The following LCOR variants were observed in gnomAD, a reference collection of about 807,000 sequenced individuals.
LCOR encodes ligand dependent nuclear receptor corepressor.
A neutral mutation model predicts 64.4 loss-of-function variants in LCOR; 14 were observed. The ratio of observed to expected loss-of-function variants is 0.22; its 90% CI spans 0.14 to 0.34. The LOEUF (loss-of-function observed/expected upper bound fraction) is 0.34. Among genes scored for constraint, LCOR ranks in the 10% least tolerant of loss-of-function variants. LCOR has a pLI of 1.00. For missense variants in LCOR, 1,686 were observed against 1,765.3 expected (o/e 0.96, Z 0.80); for synonymous variants, 643 against 642.5 (o/e 1.00, Z -0.01).
chr10:96,909,118 A>C (rs1232422944), intron 4 of LCOR, among the ~76,000 whole-genome samples: 1 of 152,018 alleles, frequency 6.6e-6, no homozygotes, highest in Non-Finnish European at 1.5e-5. Flanking sequence ...TCATTACTAT[A>C]GTTCTCTCTT....
chr10:96,857,909 C>A (rs1172767350), intron 2 of LCOR, among the ~76,000 whole-genome samples: 3 of 152,192 alleles, frequency 2.0e-5, no homozygotes, highest in Non-Finnish European at 4.4e-5. Context: ...AGTCCCTATT[C>A]CCTAACCCCT....
chr10:96,956,716 T>C lies in LCOR; in HGVS notation c.332+4520T>C, dbSNP rs564331063. ...CTCACCAACAAGTGAGGATATAGCC[T>C]TATCTCATGGAGGACGAGCTCCGTA... On this transcript the variant is annotated intron_variant, in intron 7 of 7. Transcript: ENST00000421806. 33 of 985,840 alleles carry C rather than the reference T, an allele frequency of 3.3e-5. No individual in the cohort carries two copies. The African/African-American group carries it at 5.4e-4, about 16-fold the overall frequency. 61.1% of individuals were successfully genotyped at this position (985,840 alleles called of 1,614,324 possible).
chr10:96,907,108 A>T (rs901763970), intron 2 of LCOR, among the ~76,000 whole-genome samples, 157 bp from the exon 3 acceptor site: 1 of 152,058 alleles, frequency 6.6e-6, no homozygotes, highest in African/African-American at 2.4e-5. Context: ...CTCCTTTTAG[A>T]TTTGTCATTG....
rs936102622 is a variant in LCOR, at chr10:96,944,229, A to G, written c.-67A>G. On this transcript the variant is annotated 5_prime_UTR_variant, in exon 5 of 8. Coordinates refer to ENST00000421806, the MANE Select transcript of LCOR (RefSeq NM_001346516.2). ...GACAAGCAGAAGAATTCCTCAATGC[A>G]GTCTTTTATAGAAAAGGTTGGTTTC... 103 of 985,636 alleles carry G rather than the reference A, an allele frequency of 1.0e-4. No homozygotes were observed. Among genetic ancestry groups the G allele is most frequent in the Non-Finnish European group, 1.2e-4 (97 of 829,902 alleles). 61.1% of individuals were successfully genotyped at this position (985,636 alleles called of 1,614,324 possible).
At chr10:96,946,772 C>T (rs1006045847) in intron 5 of LCOR, among the ~76,000 whole-genome samples, 1 of 152,112 alleles carries the variant, frequency 6.6e-6, no homozygotes, top group Non-Finnish European at 1.5e-5. Flanking sequence ...ATACTGCAGA[C>T]ATTGAGTGCT....
At position 96,981,041 on chromosome 10, in the gene LCOR, G is replaced by T; in HGVS notation, c.581G>T (p.Cys194Phe). ...AAACATAAGGAAAAAGATGCTCTGTGTCTCGATATGAAGTCTTCTGCTTCT... is the reference window on the plus strand; with the variant it reads ...AAACATAAGGAAAAAGATGCTCTGTTTCTCGATATGAAGTCTTCTGCTTCT... ...STKHKEKDAL[C>F]LDMKSSASVD... The change falls in exon 8 of 8, where the codon TGT becomes TTT. Residue 194 changes from cysteine to phenylalanine, a missense_variant. Physicochemically the swap from Cys to Phe is radical, Grantham distance 205. Transcript: ENST00000421806. The T allele has an allele frequency of 2.8e-6, 2 of 703,038 alleles. No individual in the cohort carries two copies. The highest frequency in any genetic ancestry group is 1.7e-5 in the African/African-American group (1 of 57,392). 43.5% of individuals were successfully genotyped at this position (703,038 alleles called of 1,614,324 possible).
intron 2 of LCOR, among the ~76,000 whole-genome samples, chr10:96,890,087 G>A (rs1846413841): frequency 1.3e-5 from 2 of 151,862 alleles, no homozygotes; most frequent in Admixed American, 1.3e-4. Flanking sequence ...TTCTTTGTAT[G>A]CGTGTAGTTT....
intron 2 of LCOR, among the ~76,000 whole-genome samples, chr10:96,885,173 A>G (rs1296185257): frequency 6.6e-6 from 1 of 152,192 alleles, no homozygotes; most frequent in Non-Finnish European, 1.5e-5. Context: ...GCTTTAGTAT[A>G]TACTTAATTT....
Position 96,936,708 on chromosome 10 carries a change from G to T in LCOR, c.-183-7405G>T, listed in dbSNP as rs920204265. Among the ~76,000 whole-genome samples the T allele has an allele frequency of 2.0e-5, 3 of 151,178 alleles. 1 individual carries two copies. The highest frequency in any genetic ancestry group is 2.0e-4 in the Admixed American group (3 of 15,212). On this transcript the variant is annotated intron_variant, in intron 4 of 7. Transcript: ENST00000421806. ...AAATCTATGATGCAGATTGAATTGT[G>T]TCCCCCTAAAACATGAATCCACCCC...
chr10:96,912,636 C>T (rs1287211457), intron 4 of LCOR, among the ~76,000 whole-genome samples: 2 of 150,482 alleles, frequency 1.3e-5, no homozygotes, highest in African/African-American at 4.9e-5. Flanking sequence ...TCCTTCCTTC[C>T]TTCCTTCCTT....
intron 2 of LCOR, among the ~76,000 whole-genome samples, chr10:96,900,957 A>G (rs1330347669): frequency 2.0e-5 from 3 of 151,464 alleles, no homozygotes; most frequent in African/African-American, 7.3e-5. Context: ...TGGGAGGCCA[A>G]GGCGGGCGGA....
At chr10:96,878,775 T>C (rs1433819844) in intron 2 of LCOR, among the ~76,000 whole-genome samples, 1 of 152,146 alleles carries the variant, frequency 6.6e-6, no homozygotes, top group African/African-American at 2.4e-5. Flanking sequence ...TGTTTTGTTT[T>C]GTTTTTCCTT....
intron 2 of LCOR, among the ~76,000 whole-genome samples, chr10:96,900,661 AAC>A (rs780814497): frequency 2.6e-5 from 4 of 152,124 alleles, no homozygotes; most frequent in Non-Finnish European, 5.9e-5. Flanking sequence ...TTTTTATATA[AAC>A]AGTCTTTTCC....
intron 2 of LCOR, among the ~76,000 whole-genome samples, chr10:96,851,782 G>C (rs556580329): frequency 6.6e-6 from 1 of 152,322 alleles, no homozygotes; most frequent in East Asian, 1.9e-4. Context: ...TGAGAACATA[G>C]CATTGTAGAT....
At chr10:96,919,728 A>T (rs1589655686) in intron 4 of LCOR, among the ~76,000 whole-genome samples, 1 of 152,186 alleles carries the variant, frequency 6.6e-6, no homozygotes, top group Non-Finnish European at 1.5e-5. Context: ...CTTATTCCAG[A>T]TATATAAGTA....
chr10:96,890,690 T>C (rs1268057839), intron 2 of LCOR, among the ~76,000 whole-genome samples: 1 of 152,220 alleles, frequency 6.6e-6, no homozygotes, highest in African/African-American at 2.4e-5. Flanking sequence ...GTTAGCTGTT[T>C]CATAACCAGG....
chr10:96,962,089 CAT>C (rs1847890764), intron 7 of LCOR: 1 of 151,958 alleles, frequency 6.6e-6, no homozygotes, highest in African/African-American at 2.4e-5. Context: ...AAATATAAAA[CAT>C]ACTACATAAT....
chr10:96,868,486 G>A (rs1015205484), intron 2 of LCOR, among the ~76,000 whole-genome samples: 11 of 151,378 alleles, frequency 7.3e-5, no homozygotes, highest in African/African-American at 2.4e-4. Context: ...GTGTTAGCCA[G>A]GCTGGTCTCA....
rs761763923 is a variant in LCOR at position 96,982,629 on chromosome 10, T to G, written c.2169T>G (p.Ala723=). 6 of 1,614,130 alleles carry G rather than the reference T, an allele frequency of 3.7e-6. No individual in the cohort carries two copies. The South Asian group carries it at 6.6e-5, about 18-fold the overall frequency. ...AGCCCCCCATGAGTCTGGGAAAGGC[T>G]GAGGACAACCAAAGCATCAGTGCTG... ...GLEPPMSLGK[A]EDNQSISAEV... Residue 723 remains alanine (A), a synonymous_variant, in exon 8 of 8, where the codon GCT becomes GCG. Coordinates refer to ENST00000421806, the MANE Select transcript of LCOR (RefSeq NM_001346516.2).
Sources: gnomAD v4.1 joint callset for allele counts (sites outside exome capture counted in the v4.1 genomes callset) on GRCh38, gnomAD v4.1.1 for gene constraint, MANE v1.5 for transcripts, NCBI Gene and HGNC (gene_info 2026-07-23, HGNC 2026-07-21) for gene names.